KCNK2: variants seen among roughly 807,000 people sequenced by gnomAD.
KCNK2 encodes the protein potassium two pore domain channel subfamily K member 2.
A neutral mutation model predicts 40.5 loss-of-function variants in KCNK2; 21 were observed. The observed-to-expected ratio is 0.52, with a 90% CI of 0.37 to 0.75. KCNK2 has a LOEUF of 0.75. Among genes scored for constraint, KCNK2 ranks in the 30% least tolerant of loss-of-function variants. The probability of loss-of-function intolerance (pLI) is 0.00; values close to 1 mark genes in which losing one functional copy is unlikely to be tolerated. For synonymous variants in KCNK2, 191 were observed against 202.2 expected, an observed-to-expected ratio of 0.94 and a Z score of 0.47; for missense variants, 399 against 531.6, an observed-to-expected ratio of 0.75 and a Z score of 2.45.
At chr1:215,128,315 A>G (rs6666828) in intron 3 of KCNK2, among the ~76,000 whole-genome samples, 86,351 of 152,066 alleles carry the variant, frequency 0.57, 26,484 homozygotes, top group Non-Finnish European at 0.68. Flanking sequence ...ACTGCCATTT[A>G]TCTAGAATGG....
At chr1:215,090,014 C>T (rs551746326) in intron 2 of KCNK2, among the ~76,000 whole-genome samples, 7 of 151,792 alleles carry the variant, frequency 4.6e-5, no homozygotes, top group Middle Eastern at 3.4e-3. Flanking sequence ...TTAGTAGAGA[C>T]GGGGTTTCTC....
At chr1:215,069,631 G>A (rs1658678261) in intron 1 of KCNK2, among the ~76,000 whole-genome samples, 1 of 151,454 alleles carries the variant, frequency 6.6e-6, no homozygotes. Flanking sequence ...ATTTTCAAAT[G>A]TTAACTTTTT....
chr1:215,018,071 A>G (rs1372716284), intron 1 of KCNK2, among the ~76,000 whole-genome samples: 1 of 152,188 alleles, frequency 6.6e-6, no homozygotes, highest in Non-Finnish European at 1.5e-5. Flanking sequence ...ACAATTGAGA[A>G]CATATATAAT....
chr1:215,207,604 CAAAT>C (rs1665371337), intron 6 of KCNK2, among the ~76,000 whole-genome samples: 1 of 152,116 alleles, frequency 6.6e-6, no homozygotes. Context: ...AGTAAACAAG[CAAAT>C]AAATAAACAA....
rs1279507647 is a variant in KCNK2, at chr1:215,007,172, TGTATGTGTGTGG to T, written c.34+1222_34+1233del. On this transcript the variant is annotated intron_variant, in intron 1 of 6. Transcript: ENST00000391895. ...ATATATATATGTATGTATATATATA[TGTATGTGTGTGG>T]GTATATATATATATATATATATATA... Among the ~76,000 whole-genome samples the T allele has an allele frequency of 7.9e-4, 73 of 92,802 alleles. 1 individual carries two copies. The highest frequency in any genetic ancestry group is 3.6e-3 in the African/African-American group (69 of 19,074). 60.9% of individuals were successfully genotyped at this position (92,802 alleles called of 152,430 possible).
At chr1:215,031,591 A>T (rs898122365) in intron 1 of KCNK2, among the ~76,000 whole-genome samples, 1 of 152,208 alleles carries the variant, frequency 6.6e-6, no homozygotes, top group African/African-American at 2.4e-5. Flanking sequence ...TAGGGTGCTG[A>T]GTTGGCATAA....
intron 6 of KCNK2, among the ~76,000 whole-genome samples, chr1:215,226,366 C>T (rs1024441515): frequency 2.1e-4 from 32 of 152,084 alleles, no homozygotes; most frequent in Admixed American, 1.7e-3. Context: ...TCACTCTGTC[C>T]GCAAGCTGGA....
chr1:215,092,156 G>T (rs983608274), intron 2 of KCNK2, among the ~76,000 whole-genome samples: 1 of 152,142 alleles, frequency 6.6e-6, no homozygotes, highest in African/African-American at 2.4e-5. Context: ...TGACCTAAGA[G>T]ATTGTGAGAT....
intron 1 of KCNK2, among the ~76,000 whole-genome samples, chr1:215,050,365 G>T (rs1657941952): frequency 6.6e-6 from 1 of 152,114 alleles, no homozygotes; most frequent in Admixed American, 6.5e-5. Context: ...AAGATTTCTT[G>T]CAGTGTCATG....
At position 215,204,037 on chromosome 1, in the gene KCNK2, CAAAAAAAAAAAAAA is replaced by C. The variant is rs71167813; in HGVS notation, c.963+8959_963+8972del. On this transcript the variant is annotated intron_variant, in intron 6 of 6. Transcript: ENST00000444842. ...TGGGCGATAGAGCGAGACTCCGTCT[CAAAAAAAAAAAAAA>C]AAAAAAAAAAAAAGAACTAGTTTCT... is the stretch of plus-strand genomic sequence containing the variant. Among the ~76,000 whole-genome samples, 23 of 53,178 alleles carry C rather than the reference CAAAAAAAAAAAAAA, an allele frequency of 4.3e-4. 1 individual carries two copies. The highest frequency in any genetic ancestry group is 2.3e-3 in the African/African-American group (21 of 9,236). The allele number at this position is 53,178 out of a possible 152,430, so 34.9% of individuals were successfully genotyped here. A position where few individuals can be genotyped will look rare whatever the true frequency, so the allele number is the denominator to read the frequency against.
rs1659460410 is a variant in KCNK2 at position 215,086,672 on chromosome 1, C to A, written c.351C>A (p.Leu117=). ...SCVNSTELDE[L]IQQIVAAINA... ...TCAATTCGACGGAGCTGGATGAACT[C>A]ATTCAGGTAATGGCATGGGAGGAGT... The change falls in exon 2 of 7, where the codon CTC becomes CTA. Residue 117 remains leucine, a synonymous_variant. Transcript: ENST00000444842. 1.2e-6 allele frequency: 2 copies of A among 1,612,586 alleles called. No individual in the cohort carries two copies. Among genetic ancestry groups the A allele is most frequent in the Non-Finnish European group, 8.5e-7 (1 of 1,178,938 alleles).
intron 3 of KCNK2, among the ~76,000 whole-genome samples, chr1:215,138,429 CA>C (rs2102597888): frequency 6.6e-6 from 1 of 152,186 alleles, no homozygotes; most frequent in East Asian, 1.9e-4. Context: ...AAAAAGGGAT[CA>C]CTATATTTTT....
At chr1:215,088,411 G>A (rs1316468028) in intron 2 of KCNK2, among the ~76,000 whole-genome samples, 1 of 152,052 alleles carries the variant, frequency 6.6e-6, no homozygotes, top group Non-Finnish European at 1.5e-5. Context: ...GTTGTTGTGA[G>A]GTAAAGAGAT....
intron 6 of KCNK2, among the ~76,000 whole-genome samples, chr1:215,218,682 T>C (rs554501396): frequency 6.6e-6 from 1 of 152,158 alleles, no homozygotes; most frequent in Admixed American, 6.6e-5. Flanking sequence ...CACGGTAGCA[T>C]CCCTCCTAAA....
chr1:215,180,249 C>T lies in KCNK2; in HGVS notation c.823+8066C>T, dbSNP rs1258846828. Among the ~76,000 whole-genome samples, 4 of 152,082 alleles carry T rather than the reference C, an allele frequency of 2.6e-5. No homozygotes were observed. In the East Asian group the frequency reaches 7.7e-4, roughly 29 times the overall value. ...CCCTTTTCTTTGAGCCTAAGGATGT[C>T]TTTATCTGTGAGATGGGTCTCTTGA... is the stretch of plus-strand genomic sequence containing the variant. On this transcript the variant is annotated intron_variant, in intron 5 of 6. Coordinates refer to ENST00000444842, the MANE Select transcript of KCNK2 (RefSeq NM_001017425.3).
rs769784134 is a variant in KCNK2, at chr1:215,083,441, C to T, written c.46+10C>T. 3.1e-6 allele frequency: 5 copies of T among 1,604,244 alleles called. No individual in the cohort carries two copies. In the East Asian group the frequency reaches 8.9e-5, roughly 29 times the overall value. ...GGCTATAGAGCAGGAGGTGAGACCC[C>T]CCCTCCGGTACCCCCACCCCTCTGG... On this transcript the variant is annotated intron_variant, in intron 1 of 6. Coordinates refer to ENST00000444842, the MANE Select transcript of KCNK2 (RefSeq NM_001017425.3).
intron 3 of KCNK2, among the ~76,000 whole-genome samples, chr1:215,167,666 A>C (rs1663509565): frequency 6.6e-6 from 1 of 152,160 alleles, no homozygotes; most frequent in African/African-American, 2.4e-5. Flanking sequence ...ATATTGAATA[A>C]AAATACTTTA....
intron 2 of KCNK2, among the ~76,000 whole-genome samples, chr1:215,103,445 G>A (rs891591884): frequency 4.6e-5 from 7 of 151,948 alleles, no homozygotes; most frequent in Non-Finnish European, 1.0e-4. Flanking sequence ...TACTGGACAT[G>A]TTATAGCTTA....
intron 1 of KCNK2, among the ~76,000 whole-genome samples, chr1:215,020,933 G>T (rs899349759): frequency 1.3e-5 from 2 of 152,044 alleles, no homozygotes; most frequent in Non-Finnish European, 2.9e-5. Flanking sequence ...AAGTCTCCTG[G>T]TCTGCCTACC....
Sources: allele counts gnomAD v4.1 joint callset (sites outside exome capture counted in the v4.1 genomes callset), GRCh38; gene constraint gnomAD v4.1.1; transcripts MANE v1.5; gene names NCBI Gene and HGNC (gene_info 2026-07-23, HGNC 2026-07-21).